The following GSKIP variants were observed in gnomAD, a reference collection of about 807,000 sequenced individuals.
GSKIP encodes GSK3B-interacting protein.
A neutral mutation model predicts 11.9 loss-of-function variants in GSKIP; 5 were observed. The ratio of observed to expected loss-of-function variants is 0.42; its 90% CI spans 0.22 to 0.89. The LOEUF is 0.89. GSKIP is among the 40% of genes least tolerant of loss of function. GSKIP has a pLI of 0.29. For missense variants in GSKIP, 150 were observed against 166.6 expected, an observed-to-expected ratio of 0.90 and a Z score of 0.55; for synonymous variants, 70 against 62.9, an observed-to-expected ratio of 1.11 and a Z score of -0.54.
In GSKIP at chr14:96,385,667, A is replaced by T. The variant is rs1490502014; in HGVS notation, c.403A>T (p.Arg135Ter). 6.2e-7 allele frequency: 1 copy of T among 1,612,428 alleles called. No homozygotes were observed. The highest frequency in any genetic ancestry group is 1.3e-5 in the African/African-American group (1 of 74,914). Residue 135 changes from arginine to a stop codon, truncating the protein, a stop_gained, in exon 4 of 4, where the codon AGA (arginine) becomes TGA (stop). Transcript: ENST00000555181. LOFTEE classifies it high-confidence loss of function. The stretch of plus-strand genomic sequence containing the variant: ...GCTTCAAAGACTGGAAGCTTTGAAA[A>T]GAGATGGACAGTCATGACTACACTT... Reference protein sequence around the residue: ...ALLQRLEALKRDGQS With the variant: ...ALLQRLEALK
At position 96,385,591 on chromosome 14, in the gene GSKIP, C is replaced by T. The variant is rs1171492665; in HGVS notation, c.327C>T (p.Ser109=). 2 of 1,612,996 alleles carry T rather than the reference C, an allele frequency of 1.2e-6. No homozygotes were observed. The highest frequency in any genetic ancestry group is 1.7e-6 in the Non-Finnish European group (2 of 1,179,226). Residue 109 remains serine, a synonymous_variant, in exon 4 of 4, where the codon TCC becomes TCT. Coordinates refer to ENST00000555181, the MANE Select transcript of GSKIP (RefSeq NM_016472.5). Reference sequence around the variant, plus strand: ...CTCCCTACCATGAAACAGTCTACTCCTTGTTGGATACACTCAGCCCCGCCT... The same window carrying T: ...CTCCCTACCATGAAACAGTCTACTCTTTGTTGGATACACTCAGCCCCGCCT... The part of the protein sequence containing the change: ...LQTPYHETVY[S]LLDTLSPAYR...
chr14:96,385,434 G>A, intron 3 of GSKIP, 89 bp from the exon 4 acceptor site: 1 of 982,832 alleles, frequency 1.0e-6, no homozygotes, highest in South Asian at 1.6e-5. Context: ...TTATTTTTTT[G>A]AAAGGATGAT....
At chr14:96,384,241 A>G (rs185976432) in intron 3 of GSKIP, among the ~76,000 whole-genome samples, 1 of 152,298 alleles carries the variant, frequency 6.6e-6, no homozygotes, top group Non-Finnish European at 1.5e-5. Context: ...TGCATAAGAC[A>G]TGATCCCTGT....
At chr14:96,363,610 C>G (rs992345419) in intron 1 of GSKIP, 42 bp downstream of exon 1, 1 of 152,682 alleles carries the variant, frequency 6.5e-6, no homozygotes, top group Admixed American at 6.5e-5. Context: ...GGGCGGCCCC[C>G]GAGAAGGGCT....
chr14:96,385,764 G>C lies in GSKIP; in HGVS notation c.*80G>C, dbSNP rs943942453. On this transcript the variant is annotated 3_prime_UTR_variant, in exon 4 of 4. Transcript: ENST00000555181. ...CTTAAAATTCTTGCATATGGTCATA[G>C]AAAATGCATCTTTGGTTTTGTGTTT... The C allele has an allele frequency of 9.0e-7, 1 of 1,109,142 alleles. No individual in the cohort carries two copies. The highest frequency in any genetic ancestry group is 1.3e-6 in the Non-Finnish European group (1 of 786,384). 68.7% of individuals were successfully genotyped at this position (1,109,142 alleles called of 1,614,324 possible).
chr14:96,374,917 A>G (rs1201914147), intron 1 of GSKIP, among the ~76,000 whole-genome samples: 4 of 151,962 alleles, frequency 2.6e-5, no homozygotes, highest in African/African-American at 9.7e-5. Flanking sequence ...TGGTAATTAT[A>G]TATTACATAT....
At position 96,382,623 on chromosome 14, in the gene GSKIP, A is replaced by C. The variant is rs966298008; in HGVS notation, c.258+118A>C. The C allele has an allele frequency of 5.3e-6, 3 of 569,306 alleles. No individual in the cohort carries two copies. In the African/African-American group the frequency reaches 5.8e-5, roughly 11 times the overall value. 35.3% of individuals were successfully genotyped at this position (569,306 alleles called of 1,614,324 possible). On this transcript the variant is annotated intron_variant, in intron 3 of 3. Coordinates refer to ENST00000555181, the MANE Select transcript of GSKIP (RefSeq NM_016472.5). ...GAGAACTGGATATTCAGTAGCTTCC[A>C]AATTTTTTTAAGAAAAACTTTTAAC... is the stretch of plus-strand genomic sequence containing the variant.
At chr14:96,368,184 CTT>C (rs398057422) in intron 1 of GSKIP, among the ~76,000 whole-genome samples, 21 of 133,386 alleles carry the variant, frequency 1.6e-4, no homozygotes, top group Admixed American at 1.5e-4. Flanking sequence ...TATTGCTACT[CTT>C]TTTTTTTTTT....
chr14:96,379,929 A>T (rs1889302052), intron 2 of GSKIP, 141 bp downstream of exon 2: 3 of 152,238 alleles, frequency 2.0e-5, no homozygotes, highest in Admixed American at 2.0e-4. Context: ...AGCAAAATTA[A>T]GATGTTTGAT....
At chr14:96,369,567 G>T (rs1453205296) in intron 1 of GSKIP, among the ~76,000 whole-genome samples, 1 of 152,176 alleles carries the variant, frequency 6.6e-6, no homozygotes, top group Non-Finnish European at 1.5e-5. Context: ...CCTGCATCCT[G>T]GTTGCTCCAG....
intron 1 of GSKIP, among the ~76,000 whole-genome samples, chr14:96,374,911 A>T (rs1440044517): frequency 6.6e-6 from 1 of 152,098 alleles, no homozygotes; most frequent in African/African-American, 2.4e-5. Context: ...AAAAAATGGT[A>T]ATTATATATT....
chr14:96,381,639 A>G (rs993138948), intron 2 of GSKIP, among the ~76,000 whole-genome samples: 1 of 152,222 alleles, frequency 6.6e-6, no homozygotes, highest in Admixed American at 6.5e-5. Context: ...TAGAACTAAA[A>G]CTATCCTTTA....
chr14:96,372,322 C>T (rs531930337), intron 1 of GSKIP, among the ~76,000 whole-genome samples: 6 of 152,128 alleles, frequency 3.9e-5, no homozygotes, highest in Non-Finnish European at 7.3e-5. Context: ...ATATCACAGG[C>T]TCCCATCTTC....
rs185655879 is a variant in GSKIP, at chr14:96,386,957, A to C, written c.*1273A>C. 8 of 152,452 alleles carry C rather than the reference A, an allele frequency of 5.2e-5. 1 individual carries two copies. Among genetic ancestry groups the C allele is most frequent in the Admixed American group, 4.6e-4 (7 of 15,296 alleles). 9.4% of individuals were successfully genotyped at this position (152,452 alleles called of 1,614,324 possible). A position where few individuals can be genotyped will look rare whatever the true frequency, so the allele number is the denominator to read the frequency against. On this transcript the variant is annotated 3_prime_UTR_variant, in exon 4 of 4. Transcript: ENST00000555181. Reference sequence around the variant, plus strand: ...TATCATTTGCAGATATTTTTCCATCATTATTAAAAAACAGGAACTTTTAGG... The same window carrying C: ...TATCATTTGCAGATATTTTTCCATCCTTATTAAAAAACAGGAACTTTTAGG...
rs570278389 is a variant in GSKIP at position 96,385,723 on chromosome 14, G to A, written c.*39G>A. The stretch of plus-strand genomic sequence containing the variant: ...TTTCAGAGGGGCTGGTGCTGGTACA[G>A]AATGTTGATATAAAGCTTAAAATTC... On this transcript the variant is annotated 3_prime_UTR_variant, in exon 4 of 4. Coordinates refer to ENST00000555181, the MANE Select transcript of GSKIP (RefSeq NM_016472.5). 2 of 1,544,092 alleles carry A rather than the reference G, an allele frequency of 1.3e-6. No homozygotes were observed. The highest frequency in any genetic ancestry group is 1.4e-5 in the African/African-American group (1 of 72,156).
At chr14:96,370,207 A>T (rs1461685183) in intron 1 of GSKIP, among the ~76,000 whole-genome samples, 1 of 152,216 alleles carries the variant, frequency 6.6e-6, no homozygotes, top group East Asian at 1.9e-4. Context: ...GAAGTAAATA[A>T]CTTGGTTTTT....
intron 2 of GSKIP, among the ~76,000 whole-genome samples, chr14:96,381,324 A>G (rs1195527004): frequency 6.6e-6 from 1 of 152,234 alleles, no homozygotes; most frequent in Non-Finnish European, 1.5e-5. Flanking sequence ...CATTTGGGTC[A>G]GTTCAAATTA....
At chr14:96,383,911 T>C (rs1889416140) in intron 3 of GSKIP, among the ~76,000 whole-genome samples, 1 of 152,200 alleles carries the variant, frequency 6.6e-6, no homozygotes, top group Admixed American at 6.5e-5. Flanking sequence ...TGTCTTGTGT[T>C]GGTTAATTCT....
At chr14:96,375,486 T>C (rs1320291666) in intron 1 of GSKIP, among the ~76,000 whole-genome samples, 1 of 150,494 alleles carries the variant, frequency 6.6e-6, no homozygotes, top group African/African-American at 2.4e-5. Context: ...CCGGCTAGAG[T>C]ACAGTGGCGC....
Sources: gnomAD v4.1 joint callset for allele counts (sites outside exome capture counted in the v4.1 genomes callset) on GRCh38, gnomAD v4.1.1 for gene constraint, MANE v1.5 for transcripts, NCBI Gene and HGNC (gene_info 2026-07-23, HGNC 2026-07-21) for gene names.